The following LAMA3 variants were observed in gnomAD, a reference collection of about 807,000 sequenced individuals.
The protein encoded by LAMA3 is laminin subunit alpha-3.
Under a neutral mutation model 402.0 loss-of-function variants are expected in LAMA3, and 281 were observed. That is an observed-to-expected ratio of 0.70 (90% CI 0.63 to 0.77). LAMA3 has a LOEUF of 0.77. LAMA3 is among the 30% of genes least tolerant of loss of function. The pLI is 0.00. For missense variants in LAMA3, 3,840 were observed against 4,215.5 expected (o/e 0.91, Z 2.47); for synonymous variants, 1,431 against 1,558.4 (o/e 0.92, Z 1.93).
rs765984595 is a variant in LAMA3, at chr18:23,943,801, G to C, written c.9040G>C (p.Val3014Leu). 38 of 1,613,848 alleles carry C rather than the reference G, an allele frequency of 2.4e-5. No homozygotes were observed. The highest frequency in any genetic ancestry group is 1.4e-4 in the South Asian group (13 of 91,080). ...TGTTCCCAACAGGTCACAGTTTGCT[G>C]TGGACATGCAGACAACATCCTCCAG... ...ELLKPRSQFA[V>L]DMQTTSSRGL... Residue 3014 changes from valine (V) to leucine (L), a missense_variant, in exon 69 of 75, where the codon GTG (valine) becomes CTG (leucine). Val to Leu is a conservative substitution (Grantham distance 32, BLOSUM62 1). Around this residue, in one of 3 missense-constraint regions of LAMA3, gnomAD observed 840 missense variants for 981.9 expected, o/e 0.86. Coordinates refer to ENST00000313654, the MANE Select transcript of LAMA3 (RefSeq NM_198129.4).
intron 9 of LAMA3, among the ~76,000 whole-genome samples, chr18:23,774,059 C>T (rs1450539446): frequency 6.6e-6 from 1 of 152,088 alleles, no homozygotes; most frequent in East Asian, 1.9e-4. Flanking sequence ...CCTGTCTCTA[C>T]TAAATAGAAA....
chr18:23,881,829 A>G (rs1568292824), intron 39 of LAMA3, 107 bp from the exon 40 acceptor site: 1 of 744,726 alleles, frequency 1.3e-6, no homozygotes, highest in Non-Finnish European at 2.4e-6. Flanking sequence ...TATCACTGCA[A>G]AGTCAGAGGA....
At chr18:23,806,709 G>A (rs573646307) in intron 12 of LAMA3, among the ~76,000 whole-genome samples, 1 of 152,308 alleles carries the variant, frequency 6.6e-6, no homozygotes, top group South Asian at 2.1e-4. Context: ...ACTCTGCAAG[G>A]TTTGGAATTT....
chr18:23,717,395 G>A (rs986582862), intron 2 of LAMA3, among the ~76,000 whole-genome samples: 1 of 152,132 alleles, frequency 6.6e-6, no homozygotes, highest in Non-Finnish European at 1.5e-5. Flanking sequence ...GCTAAGAACT[G>A]AAATTTGATT....
In LAMA3 at chr18:23,947,508, A is replaced by G. The variant is rs549155977; in HGVS notation, c.9351+1224A>G. Among the ~76,000 whole-genome samples the G allele has an allele frequency of 1.9e-4, 29 of 152,280 alleles. 1 individual carries two copies. Among genetic ancestry groups the G allele is most frequent in the African/African-American group, 5.5e-4 (23 of 41,550 alleles). On this transcript the variant is annotated intron_variant, in intron 70 of 74. Transcript: ENST00000313654. ...AAAGCAGGTCTCTCCACCAGCTTGG[A>G]TGCTAGCTGCTTAGGCTGCCCTAGC...
intron 68 of LAMA3, 67 bp downstream of exon 68, chr18:23,939,453 G>T: frequency 6.6e-7 from 1 of 1,516,058 alleles, no homozygotes; most frequent in South Asian, 1.1e-5. Flanking sequence ...CCTCAGGGAA[G>T]TCTGACTGCC....
intron 43 of LAMA3, 101 bp from the exon 44 acceptor site, chr18:23,894,806 G>C (rs577596645): frequency 1.4e-6 from 2 of 1,472,138 alleles, no homozygotes; most frequent in East Asian, 2.3e-5. Flanking sequence ...CACCCGTGAC[G>C]ATCTGCGTGC....
intron 62 of LAMA3, among the ~76,000 whole-genome samples, chr18:23,921,971 T>A (rs2081858007): frequency 6.6e-6 from 1 of 152,164 alleles, no homozygotes; most frequent in Non-Finnish European, 1.5e-5. Context: ...AAAGCTGAGG[T>A]TGCCACCTTC....
At chr18:23,726,219 G>A (rs2145974963) in intron 2 of LAMA3, among the ~76,000 whole-genome samples, 1 of 152,344 alleles carries the variant, frequency 6.6e-6, no homozygotes, top group East Asian at 1.9e-4. Context: ...CATCCAGGTG[G>A]GCCCAGGCAG....
chr18:23,928,158 T>C lies in LAMA3; in HGVS notation c.8213T>C (p.Met2738Thr). The C allele has an allele frequency of 6.2e-7, 1 of 1,614,026 alleles. No individual in the cohort carries two copies. Among genetic ancestry groups the C allele is most frequent in the Non-Finnish European group, 8.5e-7 (1 of 1,179,868 alleles). The change falls in exon 63 of 75, where the codon ATG (methionine) becomes ACG (threonine). Residue 2738 changes from methionine (M) to threonine (T), a missense_variant. Physicochemically the swap from Met to Thr is moderately conservative, Grantham distance 81 (BLOSUM62 -1). Around this residue, in one of 3 missense-constraint regions of LAMA3, gnomAD observed 840 missense variants for 981.9 expected, o/e 0.86. Transcript: ENST00000313654. ...NISTPAFRGCMKNLKKTSGVV... is the reference protein window; with the variant it reads ...NISTPAFRGCTKNLKKTSGVV... ...TCTACGCCTGCTTTCCGAGGCTGCA[T>C]GAAAAATTTGAAGAAAACCAGTGGT...
intron 12 of LAMA3, among the ~76,000 whole-genome samples, chr18:23,790,279 G>A (rs1345470110): frequency 1.3e-5 from 2 of 152,094 alleles, no homozygotes; most frequent in Non-Finnish European, 2.9e-5. Context: ...CAATTTAGAG[G>A]GTATGGGCCA....
intron 1 of LAMA3, among the ~76,000 whole-genome samples, chr18:23,692,293 C>T (rs919326220): frequency 6.6e-6 from 1 of 152,154 alleles, no homozygotes; most frequent in Admixed American, 6.5e-5. Context: ...GTTTTTGAGA[C>T]GAAGTCTCTC....
chr18:23,746,434 T>C (rs1318044494), intron 2 of LAMA3, among the ~76,000 whole-genome samples: 4 of 152,152 alleles, frequency 2.6e-5, no homozygotes, highest in African/African-American at 9.7e-5. Flanking sequence ...TACAGATCTA[T>C]GTGAGGCCAG....
chr18:23,849,321 CAA>C (rs1325589443), intron 32 of LAMA3, among the ~76,000 whole-genome samples: 2 of 152,128 alleles, frequency 1.3e-5, no homozygotes, highest in African/African-American at 4.8e-5. Flanking sequence ...TGAAATATTC[CAA>C]GTCTTTAAAA....
rs141474226 is a variant in LAMA3, at chr18:23,786,967, C to T, written c.1603+2810C>T. ...TGATAGAGATTGTGCAGTCTGAAAA[C>T]AGAAAGAAAAAAAGAATGAAAATAA... On this transcript the variant is annotated intron_variant, in intron 12 of 74. Coordinates refer to ENST00000313654, the MANE Select transcript of LAMA3 (RefSeq NM_198129.4). 6.7e-4 allele frequency among the ~76,000 whole-genome samples: 102 copies of T among 152,016 alleles called. 1 individual carries two copies. Among genetic ancestry groups the T allele is most frequent in the Admixed American group, 3.9e-3 (60 of 15,270 alleles).
At chr18:23,690,823 C>G (rs2060572115) in intron 1 of LAMA3, among the ~76,000 whole-genome samples, 1 of 150,062 alleles carries the variant, frequency 6.7e-6, no homozygotes, top group Admixed American at 6.7e-5. Flanking sequence ...GTCGCCGGGG[C>G]TGAAATGCAA....
Position 23,815,223 on chromosome 18 carries a change from A to G in LAMA3, c.1924A>G (p.Thr642Ala). ...CCATAAGGCGGGAACAGTGAGTGGAACTGGAGAGTGTAGGCAGGTAAAGTG... is the reference window on the plus strand; with the variant it reads ...CCATAAGGCGGGAACAGTGAGTGGAGCTGGAGAGTGTAGGCAGGTAAAGTG... ...KCHKAGTVSGTGECRQGDGDC... is the reference protein window; with the variant it reads ...KCHKAGTVSGAGECRQGDGDC... Residue 642 changes from threonine (T) to alanine (A), a missense_variant, in exon 16 of 75, where the codon ACT becomes GCT. Thr to Ala is a moderately conservative substitution (Grantham distance 58, BLOSUM62 0). Around this residue, in one of 3 missense-constraint regions of LAMA3, gnomAD observed 2,109 missense variants for 2,376.0 expected, o/e 0.89. Coordinates refer to ENST00000313654, the MANE Select transcript of LAMA3 (RefSeq NM_198129.4). The G allele has an allele frequency of 6.2e-7, 1 of 1,614,166 alleles. No homozygotes were observed. Among genetic ancestry groups the G allele is most frequent in the Non-Finnish European group, 8.5e-7 (1 of 1,179,992 alleles).
chr18:23,923,090 G>T (rs1054165941), intron 62 of LAMA3, among the ~76,000 whole-genome samples: 2 of 152,194 alleles, frequency 1.3e-5, no homozygotes, highest in Non-Finnish European at 2.9e-5. Context: ...CACCAAAGCT[G>T]GATAGAGAAA....
At chr18:23,872,880 C>T (rs951462250) in intron 38 of LAMA3, 37 of 730,652 alleles carry the variant, frequency 5.1e-5, no homozygotes, top group Non-Finnish European at 1.4e-5. Flanking sequence ...CTGTTATGTG[C>T]GCTCTGGCAC....
Sources: gnomAD v4.1 joint callset for allele counts (sites outside exome capture counted in the v4.1 genomes callset) on GRCh38, gnomAD v4.1.1 for gene constraint, gnomAD v4.1.1 regional missense constraint, MANE v1.5 for transcripts, NCBI Gene and HGNC (gene_info 2026-07-23, HGNC 2026-07-21) for gene names.